The following DTWD2 variants were observed in gnomAD, a reference collection of about 807,000 sequenced individuals.
DTWD2 encodes the protein DTW motif tRNA-uridine aminocarboxypropyltransferase 2.
A neutral mutation model predicts 31.8 loss-of-function variants in DTWD2; 39 were observed. The ratio of observed to expected loss-of-function variants is 1.22; its 90% CI spans 0.95 to 1.60. The LOEUF (loss-of-function observed/expected upper bound fraction) is 1.60, where lower values mean the gene tolerates loss of function less well. Among genes scored for constraint, DTWD2 ranks in the 40% most tolerant of loss-of-function variants. The probability of loss-of-function intolerance (pLI) is 0.00; values close to 1 mark genes in which losing one functional copy is unlikely to be tolerated. For missense variants in DTWD2, 515 were observed against 381.5 expected, an observed-to-expected ratio of 1.35 and a Z score of -2.92; for synonymous variants, 180 against 142.8, an observed-to-expected ratio of 1.26 and a Z score of -1.86.
Position 118,836,153 on chromosome 5 carries a change from C to G in DTWD2, c.*4764G>C, listed in dbSNP as rs79862172. Among the ~76,000 whole-genome samples, 2 of 151,926 alleles carry G rather than the reference C, an allele frequency of 1.3e-5. No homozygotes were observed. The highest frequency in any genetic ancestry group is 2.9e-5 in the Non-Finnish European group (2 of 68,002). On this transcript the variant is annotated 3_prime_UTR_variant, in exon 6 of 6. Transcript: ENST00000510708. ...AAGACATATAGTAAAATTTCTTATT[C>G]GAATAATTTTTTTAAAAAACCTTAC...
intron 1 of DTWD2, among the ~76,000 whole-genome samples, chr5:118,973,089 T>C (rs56689284): frequency 0.15 from 23,209 of 151,322 alleles, 1,981 homozygotes; most frequent in Middle Eastern, 0.22. Flanking sequence ...CTTTTTTTTT[T>C]TTTTTTTTGG....
chr5:118,960,387 C>A (rs1262880955), intron 1 of DTWD2, among the ~76,000 whole-genome samples: 1 of 152,124 alleles, frequency 6.6e-6, no homozygotes, highest in Non-Finnish European at 1.5e-5. Flanking sequence ...TACCAGCTCA[C>A]ACCAGTAAGA....
intron 1 of DTWD2, among the ~76,000 whole-genome samples, chr5:118,954,331 C>A (rs1754537367): frequency 6.6e-6 from 1 of 152,078 alleles, no homozygotes; most frequent in Non-Finnish European, 1.5e-5. Flanking sequence ...CTCTCTATCC[C>A]CTTATTCTGA....
At chr5:118,911,776 G>A (rs1753463523) in intron 4 of DTWD2, among the ~76,000 whole-genome samples, 1 of 152,120 alleles carries the variant, frequency 6.6e-6, no homozygotes, top group Non-Finnish European at 1.5e-5. Flanking sequence ...AATATCAACA[G>A]GACCCAATCT....
intron 4 of DTWD2, among the ~76,000 whole-genome samples, chr5:118,924,484 T>C (rs532988030): frequency 6.6e-6 from 1 of 152,318 alleles, no homozygotes; most frequent in African/African-American, 2.4e-5. Context: ...TGTTAACTTA[T>C]TTGTATCCAT....
chr5:118,913,556 G>C (rs1252097892), intron 4 of DTWD2, among the ~76,000 whole-genome samples: 1 of 151,524 alleles, frequency 6.6e-6, no homozygotes, highest in Non-Finnish European at 1.5e-5. Context: ...AAACCAAACT[G>C]TATTTCACTT....
intron 3 of DTWD2, among the ~76,000 whole-genome samples, chr5:118,932,121 A>G (rs1464380015): frequency 1.3e-5 from 2 of 152,108 alleles, no homozygotes; most frequent in African/African-American, 2.4e-5. Flanking sequence ...ACATTAAGAA[A>G]AAGGAAAGAC....
chr5:118,872,539 G>A (rs1752528636), intron 4 of DTWD2, among the ~76,000 whole-genome samples: 1 of 152,186 alleles, frequency 6.6e-6, no homozygotes, highest in Admixed American at 6.5e-5. Flanking sequence ...AGAAGAGGAA[G>A]AAAGAGAAAG....
At chr5:118,972,780 T>C (rs1755016942) in intron 1 of DTWD2, among the ~76,000 whole-genome samples, 1 of 152,226 alleles carries the variant, frequency 6.6e-6, no homozygotes. Flanking sequence ...TCTGTCATGA[T>C]CAAGTTGGCT....
At chr5:118,964,675 C>T (rs528350819) in intron 1 of DTWD2, among the ~76,000 whole-genome samples, 28 of 152,392 alleles carry the variant, frequency 1.8e-4, no homozygotes, top group Admixed American at 1.0e-3. Flanking sequence ...CTCCTAACCA[C>T]GAATGATCTG....
intron 4 of DTWD2, among the ~76,000 whole-genome samples, chr5:118,884,381 T>A (rs528283155): frequency 3.9e-5 from 6 of 152,330 alleles, no homozygotes; most frequent in Non-Finnish European, 7.3e-5. Flanking sequence ...CCTCCCACTC[T>A]CCTTCAGAAA....
chr5:118,948,184 A>G (rs1313719096), intron 1 of DTWD2, among the ~76,000 whole-genome samples: 1 of 152,048 alleles, frequency 6.6e-6, no homozygotes, highest in Non-Finnish European at 1.5e-5. Context: ...CCATTAATAA[A>G]CCAACTGTGG....
At chr5:118,970,069 G>T (rs1754949682) in intron 1 of DTWD2, among the ~76,000 whole-genome samples, 1 of 152,210 alleles carries the variant, frequency 6.6e-6, no homozygotes, top group African/African-American at 2.4e-5. Flanking sequence ...AGACCAAGCA[G>T]AGGAAAGAAT....
Position 118,969,198 on chromosome 5 carries a change from G to A in DTWD2, c.218+19096C>T, listed in dbSNP as rs75204475. On this transcript the variant is annotated intron_variant, in intron 1 of 5. Coordinates refer to ENST00000510708, the MANE Select transcript of DTWD2 (RefSeq NM_173666.4). ...ACTGAGCCACCAAGAGGGGAGGGGC[G>A]GGGGGGAAGCGGTGACTGTATTTGC... 1.2e-4 allele frequency among the ~76,000 whole-genome samples: 19 copies of A among 152,050 alleles called. No individual in the cohort carries two copies. The East Asian group carries it at 2.3e-3, about 19-fold the overall frequency.
chr5:118,867,300 T>G (rs1376793860), intron 4 of DTWD2, among the ~76,000 whole-genome samples: 1 of 151,906 alleles, frequency 6.6e-6, no homozygotes, highest in Non-Finnish European at 1.5e-5. Context: ...AAGGAAAAAA[T>G]TAATTCTATG....
At chr5:118,925,353 T>G (rs2149577283) in intron 4 of DTWD2, among the ~76,000 whole-genome samples, 3 of 152,352 alleles carry the variant, frequency 2.0e-5, no homozygotes, top group Admixed American at 2.0e-4. Context: ...ATAGAGAATG[T>G]ACATTTTTAT....
At chr5:118,983,217 G>A (rs998586418) in intron 1 of DTWD2, among the ~76,000 whole-genome samples, 1 of 152,116 alleles carries the variant, frequency 6.6e-6, no homozygotes, top group Non-Finnish European at 1.5e-5. Context: ...GAACGACTGG[G>A]AGCTACAGTG....
chr5:118,920,247 A>G (rs1580806723), intron 4 of DTWD2, among the ~76,000 whole-genome samples: 1 of 152,156 alleles, frequency 6.6e-6, no homozygotes, highest in African/African-American at 2.4e-5. Flanking sequence ...GAATGCTCCC[A>G]TGAAAAGGAA....
chr5:118,865,346 C>A (rs1377964126), intron 4 of DTWD2, among the ~76,000 whole-genome samples: 1 of 152,118 alleles, frequency 6.6e-6, no homozygotes, highest in African/African-American at 2.4e-5. Flanking sequence ...TCAAGAAACA[C>A]TGCTTTGGAC....
Sources: allele counts gnomAD v4.1 joint callset (sites outside exome capture counted in the v4.1 genomes callset), GRCh38; gene constraint gnomAD v4.1.1; transcripts MANE v1.5; gene names NCBI Gene and HGNC (gene_info 2026-07-23, HGNC 2026-07-21).